The following RORA variants were observed in gnomAD, a reference collection of about 807,000 sequenced individuals.
The protein encoded by RORA is RAR related orphan receptor A, also known as nuclear receptor ROR-alpha.
Under a neutral mutation model 69.5 loss-of-function variants are expected in RORA, and 7 were observed. That is an observed-to-expected ratio of 0.10 (90% CI 0.06 to 0.19). RORA has a LOEUF of 0.19. Among genes scored for constraint, RORA ranks in the 10% least tolerant of loss-of-function variants. The pLI, the probability that RORA is intolerant of heterozygous loss-of-function variation, is 1.00. For synonymous variants in RORA, 261 were observed against 240.8 expected, an observed-to-expected ratio of 1.08 and a Z score of -0.78; for missense variants, 457 against 663.0, an observed-to-expected ratio of 0.69 and a Z score of 3.41.
At chr15:60,515,236 T>A (rs866052849) in intron 3 of RORA, among the ~76,000 whole-genome samples, 3 of 152,252 alleles carry the variant, frequency 2.0e-5, no homozygotes, top group African/African-American at 7.2e-5. Context: ...ACTAGCCCAC[T>A]TCAACACACG....
chr15:60,578,209 A>G (rs1279305546), intron 2 of RORA, among the ~76,000 whole-genome samples: 1 of 152,200 alleles, frequency 6.6e-6, no homozygotes, highest in African/African-American at 2.4e-5. Flanking sequence ...TATTTTTATA[A>G]TATCATCCAT....
chr15:60,599,271 C>G (rs1471477572), intron 2 of RORA, among the ~76,000 whole-genome samples: 1 of 152,176 alleles, frequency 6.6e-6, no homozygotes, highest in African/African-American at 2.4e-5. Flanking sequence ...AAAGTACAGG[C>G]TGGGTGCTGT....
chr15:60,710,567 C>T (rs1318132873), intron 1 of RORA, among the ~76,000 whole-genome samples: 4 of 152,158 alleles, frequency 2.6e-5, no homozygotes, highest in South Asian at 2.1e-4. Flanking sequence ...AATCAGAGTG[C>T]AGATAAGTAA....
At chr15:61,055,000 CTAA>C (rs2078074272) in intron 1 of RORA, among the ~76,000 whole-genome samples, 1 of 151,872 alleles carries the variant, frequency 6.6e-6, no homozygotes, top group African/African-American at 2.4e-5. Flanking sequence ...CCACGTCTGG[CTAA>C]TTTTTGTATT....
intron 1 of RORA, among the ~76,000 whole-genome samples, chr15:60,893,720 T>G (rs1320288335): frequency 2.6e-5 from 4 of 152,144 alleles, no homozygotes; most frequent in Non-Finnish European, 5.9e-5. Context: ...TAAATTCAGC[T>G]GCTCCTGTGT....
At chr15:61,187,828 T>C (rs1395482589) in intron 1 of RORA, among the ~76,000 whole-genome samples, 1 of 152,114 alleles carries the variant, frequency 6.6e-6, no homozygotes, top group Non-Finnish European at 1.5e-5. Context: ...TGAAGAACGT[T>C]TTGTAAGGGA....
intron 1 of RORA, among the ~76,000 whole-genome samples, chr15:61,118,835 G>A (rs1382036339): frequency 2.0e-5 from 3 of 152,000 alleles, no homozygotes; most frequent in Admixed American, 1.3e-4. Context: ...TTTTTGAAAC[G>A]AGTATTTTCT....
chr15:60,877,033 A>C (rs1368267073), intron 1 of RORA, among the ~76,000 whole-genome samples: 1 of 152,204 alleles, frequency 6.6e-6, no homozygotes, highest in Non-Finnish European at 1.5e-5. Context: ...TGATGAAATA[A>C]TCTGTACATC....
chr15:61,012,219 A>T (rs1321912244), intron 1 of RORA, among the ~76,000 whole-genome samples: 1 of 152,260 alleles, frequency 6.6e-6, no homozygotes, highest in Non-Finnish European at 1.5e-5. Flanking sequence ...GAATTAATTC[A>T]AGCATAGCAT....
intron 1 of RORA, among the ~76,000 whole-genome samples, chr15:60,948,405 T>C (rs4335725): frequency 0.69 from 105,122 of 152,158 alleles, 36,592 homozygotes; most frequent in South Asian, 0.86. Context: ...AAATGAGTTA[T>C]AGAAGTCACT....
chr15:60,960,079 A>G (rs1893372799), intron 1 of RORA, among the ~76,000 whole-genome samples: 1 of 152,154 alleles, frequency 6.6e-6, no homozygotes, highest in South Asian at 2.1e-4. Flanking sequence ...TGAGGAAAAA[A>G]ATTGCCTGAA....
intron 2 of RORA, among the ~76,000 whole-genome samples, chr15:60,673,803 T>TA (rs1238584563): frequency 6.6e-5 from 10 of 152,136 alleles, no homozygotes; most frequent in Admixed American, 3.9e-4. Flanking sequence ...GCCTGGAAGG[T>TA]AAAAAGCCTA....
chr15:61,136,075 C>A (rs922866142), intron 1 of RORA, among the ~76,000 whole-genome samples: 11 of 151,964 alleles, frequency 7.2e-5, no homozygotes, highest in Non-Finnish European at 1.2e-4. Context: ...AGGTATCGAC[C>A]CTGGTTTAAA....
chr15:60,744,004 T>C (rs1011037889), intron 1 of RORA, among the ~76,000 whole-genome samples: 35 of 151,360 alleles, frequency 2.3e-4, no homozygotes, highest in African/African-American at 7.8e-4. Context: ...AAATGCTAGA[T>C]CTGTAAGATA....
chr15:60,667,941 T>C (rs1350707187), intron 2 of RORA, among the ~76,000 whole-genome samples: 1 of 151,522 alleles, frequency 6.6e-6, no homozygotes, highest in African/African-American at 2.4e-5. Flanking sequence ...ATGATTCTAT[T>C]TTTTTTTTTT....
At chr15:60,822,987 T>C (rs2072911314) in intron 1 of RORA, among the ~76,000 whole-genome samples, 1 of 151,624 alleles carries the variant, frequency 6.6e-6, no homozygotes, top group African/African-American at 2.4e-5. Context: ...CTTTCCTTCC[T>C]TTCTTCTTTT....
chr15:61,119,389 GTATATATATATA>G (rs10553428), intron 1 of RORA, among the ~76,000 whole-genome samples: 6 of 147,680 alleles, frequency 4.1e-5, no homozygotes, highest in Admixed American at 3.4e-4. Context: ...TTTTGTATAT[GTATATATATATA>G]TATATACACA....
chr15:60,889,454 C>T (rs2073789783), intron 1 of RORA, among the ~76,000 whole-genome samples: 1 of 152,220 alleles, frequency 6.6e-6, no homozygotes, highest in East Asian at 1.9e-4. Flanking sequence ...GTGAATTAGG[C>T]TTCACTGCCT....
intron 1 of RORA, among the ~76,000 whole-genome samples, chr15:60,805,112 C>T (rs994570037): frequency 1.3e-5 from 2 of 152,178 alleles, no homozygotes; most frequent in Admixed American, 6.5e-5. Flanking sequence ...GTCACTTCCC[C>T]AACCTGCAGC....
Sources: gnomAD v4.1 joint callset for allele counts (sites outside exome capture counted in the v4.1 genomes callset) on GRCh38, gnomAD v4.1.1 for gene constraint, MANE v1.5 for transcripts, NCBI Gene and HGNC (gene_info 2026-07-23, HGNC 2026-07-21) for gene names.